The following TRPM1 variants were observed in gnomAD, a reference collection of about 807,000 sequenced individuals.
The protein encoded by TRPM1 is transient receptor potential cation channel subfamily M member 1, also known as TRPM1-203 APA Isoform, Intron 10.
In TRPM1, 113 loss-of-function variants were observed where a neutral mutation model predicts 149.4. The ratio of observed to expected loss-of-function variants is 0.76; its 90% CI spans 0.65 to 0.88. The LOEUF is 0.88. Among genes scored for constraint, TRPM1 ranks in the 40% least tolerant of loss-of-function variants. TRPM1 has a pLI of 0.00. For missense variants in TRPM1, 1,976 were observed against 2,038.7 expected, an observed-to-expected ratio of 0.97 and a Z score of 0.59; for synonymous variants, 741 against 759.5, an observed-to-expected ratio of 0.98 and a Z score of 0.40.
At chr15:31,089,787 AAAGTGCAT>A (rs2035176907) in intron 1 of TRPM1, among the ~76,000 whole-genome samples, 1 of 152,148 alleles carries the variant, frequency 6.6e-6, no homozygotes, top group African/African-American at 2.4e-5. Context: ...TGGTGTCCCC[AAAGTGCAT>A]AAGCTTTTGG....
chr15:31,027,230 G>C, intron 25 of TRPM1, 113 bp from the exon 26 acceptor site: 1 of 927,210 alleles, frequency 1.1e-6, no homozygotes, highest in Non-Finnish European at 1.7e-6. Flanking sequence ...TGGCCTTTTA[G>C]TGCCCTTTAG....
At chr15:31,149,526 C>CT (rs770015508) in intron 1 of TRPM1, among the ~76,000 whole-genome samples, 351 of 122,784 alleles carry the variant, frequency 2.9e-3, no homozygotes, top group Middle Eastern at 4.5e-3. Flanking sequence ...CTCTCTCTCT[C>CT]TTTTTTTTTT....
chr15:31,105,439 G>C (rs1372012287), upstream of TRPM1, among the ~76,000 whole-genome samples: 1 of 7,722 alleles, frequency 1.3e-4, no homozygotes, highest in African/African-American at 3.5e-4. Context: ...GTGTCTCTGT[G>C]TGTGTGTGTG....
At chr15:31,054,054 A>G (rs2034018991) in intron 11 of TRPM1, among the ~76,000 whole-genome samples, 1 of 152,220 alleles carries the variant, frequency 6.6e-6, no homozygotes, top group African/African-American at 2.4e-5. Flanking sequence ...AACAGAAAGT[A>G]GAATGGTGGT....
intron 1 of TRPM1, among the ~76,000 whole-genome samples, chr15:31,130,649 T>C (rs2036004735): frequency 6.6e-6 from 1 of 152,122 alleles, no homozygotes; most frequent in Non-Finnish European, 1.5e-5. Context: ...AGACCCTGCA[T>C]TCTGATGCAC....
chr15:31,017,320 A>G (rs530269973), intron 27 of TRPM1, among the ~76,000 whole-genome samples: 3 of 152,308 alleles, frequency 2.0e-5, no homozygotes, highest in Admixed American at 2.0e-4. Context: ...AAATACATAA[A>G]TAAAATAGAG....
chr15:31,008,912 A>G (rs538294646), intron 27 of TRPM1, among the ~76,000 whole-genome samples: 14 of 152,292 alleles, frequency 9.2e-5, no homozygotes, highest in Non-Finnish European at 1.8e-4. Flanking sequence ...ACAGTATGGC[A>G]ATTTTTGCTT....
upstream of TRPM1, among the ~76,000 whole-genome samples, chr15:31,106,479 C>T (rs2035608803): frequency 1.3e-5 from 2 of 152,178 alleles, no homozygotes; most frequent in Admixed American, 6.5e-5. Flanking sequence ...TATCCTTTCA[C>T]TTTTTAAGTA....
At chr15:31,027,167 A>G (rs902532564) in intron 25 of TRPM1, 50 bp from the exon 26 acceptor site, 2 of 1,568,480 alleles carry the variant, frequency 1.3e-6, no homozygotes, top group Non-Finnish European at 1.7e-6. Context: ...TTTTATAGTG[A>G]TTTCCCAGAG....
intron 20 of TRPM1, 79 bp downstream of exon 20, chr15:31,037,632 C>T (rs1358036385): frequency 1.9e-6 from 3 of 1,590,748 alleles, no homozygotes; most frequent in East Asian, 2.2e-5. Context: ...TTTTTTAAGC[C>T]CTTGAAGTTT....
Position 31,048,027 on chromosome 15 carries a change from C to A in TRPM1, c.1573-88G>T, listed in dbSNP as rs576111740. 4 of 1,101,240 alleles carry A rather than the reference C, an allele frequency of 3.6e-6. No homozygotes were observed. The South Asian group carries it at 4.9e-5, about 14-fold the overall frequency. The allele number at this position is 1,101,240 out of a possible 1,614,324, so 68.2% of individuals were successfully genotyped here. The stretch of plus-strand genomic sequence containing the variant: ...CCTGTAGTCCCAGCACTTTGGGAGG[C>A]CAAGGCAGGCAGATCACTTGAGGTC... On this transcript the variant is annotated intron_variant, in intron 13 of 27. Transcript: ENST00000256552.
intron 11 of TRPM1, among the ~76,000 whole-genome samples, chr15:31,057,757 C>T (rs2034122124): frequency 6.6e-6 from 1 of 152,124 alleles, no homozygotes; most frequent in African/African-American, 2.4e-5. Context: ...ATCTCATCTC[C>T]AGTTGTAATC....
At chr15:31,056,310 C>G (rs897871553) in intron 11 of TRPM1, among the ~76,000 whole-genome samples, 1 of 152,122 alleles carries the variant, frequency 6.6e-6, no homozygotes, top group African/African-American at 2.4e-5. Flanking sequence ...CATAAAGGGA[C>G]CTTTGAAAGC....
intron 1 of TRPM1, among the ~76,000 whole-genome samples, chr15:31,089,865 C>T (rs2035180162): frequency 6.6e-6 from 1 of 152,178 alleles, no homozygotes. Flanking sequence ...GATAACTGTG[C>T]CATGTGGCGC....
rs550452029 is a variant in TRPM1, at chr15:31,076,768, C to T, written c.83+137G>A. The T allele has an allele frequency of 4.9e-5, 36 of 738,602 alleles. No homozygotes were observed. The South Asian group carries it at 4.9e-4, about 10-fold the overall frequency. 45.8% of individuals were successfully genotyped at this position (738,602 alleles called of 1,614,324 possible). On this transcript the variant is annotated intron_variant, in intron 3 of 27. Transcript: ENST00000256552. ...ATGGAGTAACAAGGAGCCCCAGTGA[C>T]TCCCTTGTTAGTGACTCCCATGGGG...
At chr15:31,024,626 G>T (rs1566994651) in intron 27 of TRPM1, among the ~76,000 whole-genome samples, 1 of 152,140 alleles carries the variant, frequency 6.6e-6, no homozygotes. Context: ...TTGCAGCTTT[G>T]GTCCAAGAAT....
intron 1 of TRPM1, among the ~76,000 whole-genome samples, chr15:31,100,439 A>G (rs950456655): frequency 6.6e-6 from 1 of 152,170 alleles, no homozygotes; most frequent in African/African-American, 2.4e-5. Context: ...TAAGGTTTAA[A>G]AAAACATACA....
chr15:31,078,190 G>C (rs1358174424), intron 2 of TRPM1, among the ~76,000 whole-genome samples: 2 of 152,164 alleles, frequency 1.3e-5, no homozygotes, highest in African/African-American at 4.8e-5. Flanking sequence ...GAGGCTTGGA[G>C]CTGGCCTCCT....
chr15:31,020,134 C>T (rs2032507190), intron 27 of TRPM1, among the ~76,000 whole-genome samples: 1 of 152,212 alleles, frequency 6.6e-6, no homozygotes, highest in Non-Finnish European at 1.5e-5. Flanking sequence ...TAATCATTAG[C>T]CTTTTCTGGT....
Sources: gnomAD v4.1 joint callset for allele counts (sites outside exome capture counted in the v4.1 genomes callset) on GRCh38, gnomAD v4.1.1 for gene constraint, MANE v1.5 for transcripts, NCBI Gene and HGNC (gene_info 2026-07-23, HGNC 2026-07-21) for gene names.